The following RHPN1 variants were observed in gnomAD, a reference collection of about 807,000 sequenced individuals.
The protein encoded by RHPN1 is rhophilin Rho GTPase binding protein 1.
Under a neutral mutation model 74.7 loss-of-function variants are expected in RHPN1, and 77 were observed. The ratio of observed to expected loss-of-function variants is 1.03; its 90% CI spans 0.86 to 1.25. The LOEUF is 1.25. Among genes scored for constraint, RHPN1 ranks in the 50% most tolerant of loss-of-function variants. The probability of loss-of-function intolerance (pLI) is 0.00; values close to 1 mark genes in which losing one functional copy is unlikely to be tolerated. For missense variants in RHPN1, 987 were observed against 932.2 expected (o/e 1.06, Z -0.77); for synonymous variants, 444 against 414.5 (o/e 1.07, Z -0.87).
rs1435155920 is a variant in RHPN1, at chr8:143,382,663, C to T, written c.*12C>T. 2.4e-5 allele frequency: 38 copies of T among 1,600,196 alleles called. No individual in the cohort carries two copies. Among genetic ancestry groups the T allele is most frequent in the Non-Finnish European group, 3.1e-5 (36 of 1,174,510 alleles). ...CAGGGTGGCCGTGAGGGCCAGGATCCCTGCACGCCTCAGCCCTGGCTCCAG... is the reference window on the plus strand; with the variant it reads ...CAGGGTGGCCGTGAGGGCCAGGATCTCTGCACGCCTCAGCCCTGGCTCCAG... On this transcript the variant is annotated 3_prime_UTR_variant, in exon 15 of 15. Transcript: ENST00000289013.
At position 143,375,614 on chromosome 8, in the gene RHPN1, A is replaced by G. The variant is rs1305132851; in HGVS notation, c.122A>G (p.His41Arg). ...GQLQSRRAQI[H>R]QQIDKELQMR... is the part of the protein sequence containing the mutation. ...CTGCAGAGCCGCAGGGCCCAGATTC[A>G]CCAGCAGATTGACAAGGAGCTGCAG... The change falls in exon 2 of 15, where the codon CAC becomes CGC. Residue 41 changes from histidine (H) to arginine (R), a missense_variant. Coordinates refer to ENST00000289013, the MANE Select transcript of RHPN1 (RefSeq NM_052924.3). 2 of 1,608,960 alleles carry G rather than the reference A, an allele frequency of 1.2e-6. No individual in the cohort carries two copies. Among genetic ancestry groups the G allele is most frequent in the Admixed American group, 3.4e-5 (2 of 59,208 alleles).
chr8:143,372,571 G>GGCTGCCTGTGTCCCTCCCTCCA, intron 1 of RHPN1, among the ~76,000 whole-genome samples: 1 of 151,932 alleles, frequency 6.6e-6, no homozygotes, highest in South Asian at 2.1e-4. Context: ...CCCTCCTTCC[G>GGCTGCCTGTGTCCCTCCCTCCA]GCTGCCTGTG....
intron 2 of RHPN1, 26 bp from the exon 3 acceptor site, chr8:143,376,499 C>T (rs1818226294): frequency 1.1e-5 from 18 of 1,610,314 alleles, no homozygotes; most frequent in Non-Finnish European, 1.5e-5. Flanking sequence ...TGGGGCTGGG[C>T]TTTCAACTGC....
rs901682301 is a variant in RHPN1, at chr8:143,368,950, G to T, written c.-38G>T. 6.9e-7 allele frequency: 1 copy of T among 1,439,960 alleles called. No homozygotes were observed. The highest frequency in any genetic ancestry group is 9.1e-7 in the Non-Finnish European group (1 of 1,100,666). 89.2% of individuals were successfully genotyped at this position (1,439,960 alleles called of 1,614,324 possible). ...GGAGCGCTGCGCGAGCGGCGGGCTG[G>T]CTGACCCCGAGGGACCCCCAGCGCA... On this transcript the variant is annotated 5_prime_UTR_variant, in exon 1 of 15. Transcript: ENST00000289013.
intron 1 of RHPN1, chr8:143,374,243 G>A: frequency 1.0e-6 from 1 of 985,470 alleles, no homozygotes; most frequent in South Asian, 4.7e-5. Context: ...CAGAGGGGAA[G>A]ACCCAGTGCG....
chr8:143,378,720 G>A lies in RHPN1; in HGVS notation c.484G>A (p.Glu162Lys), dbSNP rs749146010. Residue 162 changes from glutamate to lysine, a missense_variant, in exon 6 of 15, where the codon GAG (glutamate) becomes AAG (lysine). Physicochemically the swap from Glu to Lys is moderately conservative, Grantham distance 56. Coordinates refer to ENST00000289013, the MANE Select transcript of RHPN1 (RefSeq NM_052924.3). ...RQAMRTPSRN[E>K]SGLELLTAYY... ...GGCCATGCGGACCCCCAGCCGGAAT[G>A]AGTCGGGCCTGGAGCTGCTCACAGC... The A allele has an allele frequency of 1.3e-6, 2 of 1,596,020 alleles. No homozygotes were observed. The highest frequency in any genetic ancestry group is 3.5e-5 in the Admixed American group (2 of 57,714).
chr8:143,379,558 G>T, intron 8 of RHPN1, 50 bp downstream of exon 8: 1 of 1,500,612 alleles, frequency 6.7e-7, no homozygotes, highest in South Asian at 1.3e-5. Context: ...CCGAGCTGGG[G>T]TCAGAGCCCA....
At chr8:143,380,309 G>A (rs1818626217) in intron 10 of RHPN1, 134 bp downstream of exon 10, 2 of 727,990 alleles carry the variant, frequency 2.7e-6, no homozygotes, top group Non-Finnish European at 4.4e-6. Context: ...CCTATCCCTG[G>A]ATGGCCTGTG....
chr8:143,378,356 T>TCCCCCCCCCCCCCCCCC lies in RHPN1; in HGVS notation c.459+15_459+16insCCCCCCCCCCCCCCCCC. ...GGAGGCCCTGCGGCAGGTGTGTGGT[T>TCCCCCCCCCCCCCCCCC]CCCCCGCCCACCCACCCTCCTGCAG... On this transcript the variant is annotated intron_variant, in intron 5 of 14. Transcript: ENST00000289013. 7 of 1,525,432 alleles carry TCCCCCCCCCCCCCCCCC rather than the reference T, an allele frequency of 4.6e-6. No homozygotes were observed. Among genetic ancestry groups the TCCCCCCCCCCCCCCCCC allele is most frequent in the Admixed American group, 2.1e-5 (1 of 48,502 alleles). 94.5% of individuals were successfully genotyped at this position (1,525,432 alleles called of 1,614,324 possible). A position where few individuals can be genotyped will look rare whatever the true frequency, so the allele number is the denominator to read the frequency against.
chr8:143,375,478 C>A, intron 1 of RHPN1, 75 bp from the exon 2 acceptor site: 1 of 1,021,356 alleles, frequency 9.8e-7, no homozygotes, highest in Non-Finnish European at 1.4e-6. Context: ...ATGCACTCCT[C>A]TCAGTGGCTG....
intron 1 of RHPN1, among the ~76,000 whole-genome samples, chr8:143,371,578 C>G (rs1350640300): frequency 6.6e-6 from 1 of 152,144 alleles, no homozygotes. Context: ...CCAGGTCAGC[C>G]CCACTCTGGC....
Position 143,376,565 on chromosome 8 carries a change from G to A in RHPN1, c.217G>A (p.Glu73Lys), listed in dbSNP as rs1342271108. The A allele has an allele frequency of 1.9e-6, 3 of 1,611,782 alleles. No individual in the cohort carries two copies. In the South Asian group the frequency reaches 3.3e-5, roughly 18 times the overall value. Residue 73 changes from glutamate to lysine, a missense_variant, in exon 3 of 15, where the codon GAG becomes AAG. Physicochemically the swap from Glu to Lys is moderately conservative, Grantham distance 56. Transcript: ENST00000289013. ...CCGGGTGAGAGAGACGGTCGCCCTG[G>A]AGCTGAGCTACGTCAACTCCAACCT... is the stretch of plus-strand genomic sequence containing the variant. Reference protein sequence around the residue: ...NNRVRETVALELSYVNSNLQL... With the variant: ...NNRVRETVALKLSYVNSNLQL...
chr8:143,368,348 T>C (rs767776636), upstream of RHPN1: 1 of 153,396 alleles, frequency 6.5e-6, no homozygotes, highest in Non-Finnish European at 1.5e-5. Context: ...GCAGGCATTG[T>C]CGGAGGACTC....
intron 1 of RHPN1, chr8:143,374,019 G>A (rs1818043858): frequency 1.7e-6 from 1 of 599,716 alleles, no homozygotes; most frequent in Admixed American, 6.3e-5. Flanking sequence ...GATTTTGGGG[G>A]GCTGGACGAG....
In RHPN1 at chr8:143,379,934, T is replaced by C; in HGVS notation, c.1051T>C (p.Phe351Leu). Reference protein sequence around the residue: ...TALVHVKAEYFRSLAHYHVAM... With the variant: ...TALVHVKAEYLRSLAHYHVAM... Reference sequence around the variant, plus strand: ...CCTGGTGCATGTCAAGGCCGAGTACTTCCGCTCCCTGGCCCACTACCACGT... The same window carrying C: ...CCTGGTGCATGTCAAGGCCGAGTACCTCCGCTCCCTGGCCCACTACCACGT... The change falls in exon 9 of 15, where the codon TTC (phenylalanine) becomes CTC (leucine). Residue 351 changes from phenylalanine to leucine, a missense_variant. Physicochemically the swap from Phe to Leu is conservative, Grantham distance 22 (BLOSUM62 0). Transcript: ENST00000289013. 1.3e-6 allele frequency: 2 copies of C among 1,588,968 alleles called. No individual in the cohort carries two copies. Among genetic ancestry groups the C allele is most frequent in the Non-Finnish European group, 1.7e-6 (2 of 1,168,748 alleles).
intron 1 of RHPN1, among the ~76,000 whole-genome samples, chr8:143,373,970 C>T (rs1022912878): frequency 1.3e-5 from 2 of 152,142 alleles, no homozygotes; most frequent in Admixed American, 1.3e-4. Context: ...GGACACAATT[C>T]ACCCATAATA....
rs1011937485 is a variant in RHPN1, at chr8:143,383,153, A to G, written c.*502A>G. On this transcript the variant is annotated 3_prime_UTR_variant, in exon 15 of 15. Transcript: ENST00000289013. ...CGGGTCCCAGACATGGCCTTCCCCC[A>G]AAATACTTCCTGCTGTCCTGTCTGT... 2 of 184,302 alleles carry G rather than the reference A, an allele frequency of 1.1e-5. No homozygotes were observed. The highest frequency in any genetic ancestry group is 4.8e-5 in the African/African-American group (2 of 42,046). The allele number at this position is 184,302 out of a possible 1,614,324, so 11.4% of individuals were successfully genotyped here. A position where few individuals can be genotyped will look rare whatever the true frequency, so the allele number is the denominator to read the frequency against.
intron 5 of RHPN1, 127 bp from the exon 6 acceptor site, chr8:143,378,568 GC>G (rs1818452371): frequency 7.6e-6 from 10 of 1,308,818 alleles, no homozygotes; most frequent in Non-Finnish European, 7.2e-6. Flanking sequence ...GGGAGTCACG[GC>G]TGCCCAGGGC....
intron 1 of RHPN1, among the ~76,000 whole-genome samples, chr8:143,375,037 G>A (rs1050323901): frequency 6.6e-6 from 1 of 152,124 alleles, no homozygotes; most frequent in African/African-American, 2.4e-5. Flanking sequence ...GCCAGTGGCC[G>A]CCCCCAGAGC....
Sources: allele counts gnomAD v4.1 joint callset (sites outside exome capture counted in the v4.1 genomes callset), GRCh38; gene constraint gnomAD v4.1.1; transcripts MANE v1.5; gene names NCBI Gene and HGNC (gene_info 2026-07-23, HGNC 2026-07-21).